The following EGR1 variants were observed in gnomAD, a reference collection of about 807,000 sequenced individuals.
The protein encoded by EGR1 is early growth response 1.
Under a neutral mutation model 30.2 loss-of-function variants are expected in EGR1, and 8 were observed. That is an observed-to-expected ratio of 0.26 (90% CI 0.16 to 0.48). EGR1 has a LOEUF of 0.48. Among genes scored for constraint, EGR1 ranks in the 20% least tolerant of loss-of-function variants. The pLI, the probability that EGR1 is intolerant of heterozygous loss-of-function variation, is 0.99. For synonymous variants in EGR1, 334 were observed against 312.8 expected, an observed-to-expected ratio of 1.07 and a Z score of -0.72; for missense variants, 568 against 732.3, an observed-to-expected ratio of 0.78 and a Z score of 2.59.
At position 138,468,376 on chromosome 5, in the gene EGR1, C is replaced by T. The variant is rs1184732959; in HGVS notation, c.*295C>T. ...TGCATGGATTTTGGATAAATCATTTCAGTATCATCTCCATCATATGCCTGA... is the reference window on the plus strand; with the variant it reads ...TGCATGGATTTTGGATAAATCATTTTAGTATCATCTCCATCATATGCCTGA... On this transcript the variant is annotated 3_prime_UTR_variant, in exon 2 of 2. Transcript: ENST00000239938. The T allele has an allele frequency of 1.7e-6, 1 of 574,108 alleles. No individual in the cohort carries two copies. 35.6% of individuals were successfully genotyped at this position (574,108 alleles called of 1,614,324 possible). A position where few individuals can be genotyped will look rare whatever the true frequency, so the allele number is the denominator to read the frequency against.
Position 138,467,433 on chromosome 5 carries a change from C to A in EGR1, c.984C>A (p.Pro328=). ...PSRMRKYPNR[P]SKTPPHERPY... The stretch of plus-strand genomic sequence containing the variant: ...GCATGCGCAAGTACCCCAACCGGCC[C>A]AGCAAGACGCCCCCCCACGAACGCC... Residue 328 remains proline, a synonymous_variant, in exon 2 of 2, where the codon CCC becomes CCA. Transcript: ENST00000239938. The surrounding 1 kb of genome is among the most constrained non-coding windows in gnomAD (Gnocchi z 8.3). The A allele has an allele frequency of 6.2e-7, 1 of 1,614,216 alleles. No homozygotes were observed. The highest frequency in any genetic ancestry group is 2.2e-5 in the East Asian group (1 of 44,870).
rs753839059 is a variant in EGR1 at position 138,466,035 on chromosome 5, A to G, written c.274A>G (p.Thr92Ala). The stretch of plus-strand genomic sequence containing the variant: ...CAGCACCTTCAACCCTCAGGCGGAC[A>G]CGGGCGAGCAGCCCTACGAGCACCT... ...SSSTFNPQADTGEQPYEHLTA... is the reference protein window; with the variant it reads ...SSSTFNPQADAGEQPYEHLTA... The change falls in exon 1 of 2, where the codon ACG becomes GCG. Residue 92 changes from threonine to alanine, a missense_variant. By Grantham distance (58) the Thr-to-Ala change is moderately conservative. Around this residue, in one of 4 missense-constraint regions of EGR1, gnomAD observed 415 missense variants for 445.2 expected, o/e 0.93. Coordinates refer to ENST00000239938, the MANE Select transcript of EGR1 (RefSeq NM_001964.3). 6.3e-7 allele frequency: 1 copy of G among 1,599,082 alleles called. No individual in the cohort carries two copies. Among genetic ancestry groups the G allele is most frequent in the South Asian group, 1.1e-5 (1 of 88,402 alleles).
Position 138,467,881 on chromosome 5 carries a change from G to A in EGR1, c.1432G>A (p.Gly478Ser). The change falls in exon 2 of 2, where the codon GGC becomes AGC. Residue 478 changes from glycine (G) to serine (S), a missense_variant. Coordinates refer to ENST00000239938, the MANE Select transcript of EGR1 (RefSeq NM_001964.3). This position sits in a 1 kb window ranked among gnomAD's most constrained non-coding sequence, Gnocchi z 8.3. ...SPVPTSFSSP[G>S]SSTYPSPVHS... Reference sequence around the variant, plus strand: ...TGTGCCCACCTCCTTCTCCTCTCCCGGCTCCTCGACCTACCCATCCCCTGT... The same window carrying A: ...TGTGCCCACCTCCTTCTCCTCTCCCAGCTCCTCGACCTACCCATCCCCTGT... 2 of 1,613,394 alleles carry A rather than the reference G, an allele frequency of 1.2e-6. No individual in the cohort carries two copies. The highest frequency in any genetic ancestry group is 2.2e-5 in the South Asian group (2 of 91,042).
In EGR1 at chr5:138,468,233, T is replaced by A; in HGVS notation, c.*152T>A. 1.4e-6 allele frequency: 2 copies of A among 1,481,248 alleles called. No individual in the cohort carries two copies. Among genetic ancestry groups the A allele is most frequent in the Non-Finnish European group, 1.8e-6 (2 of 1,098,732 alleles). 91.8% of individuals were successfully genotyped at this position (1,481,248 alleles called of 1,614,324 possible). ...CCTCCCTCTCTACTGGAGTGGAAGG[T>A]CTATTGGCCAACAATCCTTTCTGCC... On this transcript the variant is annotated 3_prime_UTR_variant, in exon 2 of 2. Coordinates refer to ENST00000239938, the MANE Select transcript of EGR1 (RefSeq NM_001964.3).
chr5:138,466,304 G>C (rs533365347), intron 1 of EGR1, among the ~76,000 whole-genome samples: 1 of 152,262 alleles, frequency 6.6e-6, no homozygotes, highest in Admixed American at 6.5e-5. Context: ...GAGCTCTGGA[G>C]CTGCGTGGGT....
At position 138,465,882 on chromosome 5, in the gene EGR1, C is replaced by T; in HGVS notation, c.121C>T (p.Leu41=). 1 of 1,613,974 alleles carries T rather than the reference C, an allele frequency of 6.2e-7. No individual in the cohort carries two copies. Among genetic ancestry groups the T allele is most frequent in the Non-Finnish European group, 8.5e-7 (1 of 1,179,870 alleles). Reference sequence around the variant, plus strand: ...CCCTAAGCTGGAGGAGATGATGCTGCTGAGCAACGGGGCTCCCCAGTTCCT... The same window carrying T: ...CCCTAAGCTGGAGGAGATGATGCTGTTGAGCAACGGGGCTCCCCAGTTCCT... ...NYPKLEEMML[L]SNGAPQFLGA... Residue 41 remains leucine, a synonymous_variant, in exon 1 of 2, where the codon CTG becomes TTG. Transcript: ENST00000239938.
rs199903799 is a variant in EGR1, at chr5:138,466,968, A to G, written c.519A>G (p.Ser173=). The part of the protein sequence containing the change: ...SMTNPPASSS[S]APSPAASSAS... ...CCAACCCACCGGCCTCCTCGTCCTC[A>G]GCACCATCTCCAGCGGCCTCCTCCG... The change falls in exon 2 of 2, where the codon TCA becomes TCG. Residue 173 remains serine, a synonymous_variant. Transcript: ENST00000239938. 3.7e-6 allele frequency: 6 copies of G among 1,613,866 alleles called. No individual in the cohort carries two copies. Among genetic ancestry groups the G allele is most frequent in the Non-Finnish European group, 5.1e-6 (6 of 1,179,958 alleles).
intron 1 of EGR1, 28 bp downstream of exon 1, chr5:138,466,096 A>C (rs1764155147): frequency 6.6e-7 from 1 of 1,525,552 alleles, no homozygotes; most frequent in South Asian, 1.3e-5. Context: ...CCGAGGGGGA[A>C]CCCTTTCGCC....
Position 138,467,710 on chromosome 5 carries a change from CAGA to C in EGR1, c.1264_1266del (p.Lys422del). ...GAGGCATACCAAGATCCACTTGCGG[CAGA>C]AGGACAAGAAAGCAGACAAAAGTGT... On this transcript the variant is annotated inframe_deletion, in exon 2 of 2. Transcript: ENST00000239938. This position sits in a 1 kb window ranked among gnomAD's most constrained non-coding sequence, Gnocchi z 8.3. 6.2e-7 allele frequency: 1 copy of C among 1,614,236 alleles called. No homozygotes were observed. The highest frequency in any genetic ancestry group is 8.5e-7 in the Non-Finnish European group (1 of 1,180,038).
In EGR1 at chr5:138,469,162, T is replaced by C. The variant is rs1237002342; in HGVS notation, c.*1081T>C. 1 of 152,348 alleles carries C rather than the reference T, an allele frequency of 6.6e-6. No individual in the cohort carries two copies. The highest frequency in any genetic ancestry group is 1.5e-5 in the Non-Finnish European group (1 of 68,048). The allele number at this position is 152,348 out of a possible 1,614,324, so 9.4% of individuals were successfully genotyped here. ...TGTATGTTATGAACATGCAGTTCAT[T>C]ATTTTGTGGTTCTATTTTACTTTGT... On this transcript the variant is annotated 3_prime_UTR_variant, in exon 2 of 2. Coordinates refer to ENST00000239938, the MANE Select transcript of EGR1 (RefSeq NM_001964.3).
rs763644281 is a variant in EGR1 at position 138,468,003 on chromosome 5, C to T, written c.1554C>T (p.Val518=). Residue 518 remains valine, a synonymous_variant, in exon 2 of 2, where the codon GTC becomes GTT. Coordinates refer to ENST00000239938, the MANE Select transcript of EGR1 (RefSeq NM_001964.3). The part of the protein sequence containing the change: ...AQVSSFPSSA[V]TNSFSASTGL... ...TCAGCAGCTTCCCTTCCTCAGCTGT[C>T]ACCAACTCCTTCAGCGCCTCCACAG... 4.3e-6 allele frequency: 7 copies of T among 1,613,650 alleles called. No homozygotes were observed.
rs1180505288 is a variant in EGR1 at position 138,466,739 on chromosome 5, TTC to T, written c.308-9_308-8del. ...GCTTTCCAGTAACCAGGCCTCCCGC[TTC>T]TCTCTCTCCTGCCAGAGTCTTTTCC... On this transcript the variant is annotated splice_polypyrimidine_tract_variant and intron_variant, in intron 1 of 1. Coordinates refer to ENST00000239938, the MANE Select transcript of EGR1 (RefSeq NM_001964.3). The T allele has an allele frequency of 6.3e-7, 1 of 1,596,236 alleles. No individual in the cohort carries two copies. The highest frequency in any genetic ancestry group is 8.6e-7 in the Non-Finnish European group (1 of 1,167,260).
chr5:138,467,921 C>G lies in EGR1; in HGVS notation c.1472C>G (p.Pro491Arg). 6.2e-7 allele frequency: 1 copy of G among 1,613,424 alleles called. No homozygotes were observed. Among genetic ancestry groups the G allele is most frequent in the Non-Finnish European group, 8.5e-7 (1 of 1,179,512 alleles). ...TYPSPVHSGF[P>R]SPSVATTYSS... ...CCATCCCCTGTGCACAGTGGCTTCC[C>G]CTCCCCGTCGGTGGCCACCACGTAC... is the stretch of plus-strand genomic sequence containing the variant. Residue 491 changes from proline to arginine, a missense_variant, in exon 2 of 2, where the codon CCC becomes CGC. Physicochemically the swap from Pro to Arg is moderately radical, Grantham distance 103. Transcript: ENST00000239938. The surrounding 1 kb of genome is among the most constrained non-coding windows in gnomAD (Gnocchi z 8.3).
In EGR1 at chr5:138,467,166, C is replaced by T; in HGVS notation, c.717C>T (p.Ala239=). Residue 239 remains alanine, a synonymous_variant, in exon 2 of 2, where the codon GCC becomes GCT. Coordinates refer to ENST00000239938, the MANE Select transcript of EGR1 (RefSeq NM_001964.3). This position sits in a 1 kb window ranked among gnomAD's most constrained non-coding sequence, Gnocchi z 8.3. The part of the protein sequence containing the change: ...AGTALQYPPP[A]YPAAKGGFQV... Reference sequence around the variant, plus strand: ...CAGCGCTCCAGTACCCGCCTCCTGCCTACCCTGCCGCCAAGGGTGGCTTCC... The same window carrying T: ...CAGCGCTCCAGTACCCGCCTCCTGCTTACCCTGCCGCCAAGGGTGGCTTCC... The T allele has an allele frequency of 6.2e-7, 1 of 1,613,098 alleles. No individual in the cohort carries two copies. Among genetic ancestry groups the T allele is most frequent in the Non-Finnish European group, 8.5e-7 (1 of 1,179,950 alleles).
rs1764141723 is a variant in EGR1, at chr5:138,465,642, C to CA, written c.-119dup. On this transcript the variant is annotated 5_prime_UTR_variant, in exon 1 of 2. Transcript: ENST00000239938. ...TCGGGGTCGCCGCCTGCACGCTTCT[C>CA]AGTGTTCCCCGCGCCCCGCATGTAA... 14 of 1,203,014 alleles carry CA rather than the reference C, an allele frequency of 1.2e-5. No individual in the cohort carries two copies. Among genetic ancestry groups the CA allele is most frequent in the Non-Finnish European group, 1.4e-5 (13 of 911,042 alleles). 74.5% of individuals were successfully genotyped at this position (1,203,014 alleles called of 1,614,324 possible).
rs201552434 is a variant in EGR1, at chr5:138,467,788, G to A, written c.1339G>A (p.Ala447Thr). The A allele has an allele frequency of 2.5e-6, 4 of 1,613,576 alleles. No homozygotes were observed. The highest frequency in any genetic ancestry group is 3.4e-6 in the Non-Finnish European group (4 of 1,179,704). The change falls in exon 2 of 2, where the codon GCT (alanine) becomes ACT (threonine). Residue 447 changes from alanine to threonine, a missense_variant. Ala to Thr is a moderately conservative substitution (Grantham distance 58). Transcript: ENST00000239938. This position sits in a 1 kb window ranked among gnomAD's most constrained non-coding sequence, Gnocchi z 8.3. ...TCTCTCTTCCTACCCGTCCCCGGTT[G>A]CTACCTCTTACCCGTCCCCGGTTAC... is the stretch of plus-strand genomic sequence containing the variant. ...SSLSSYPSPVATSYPSPVTTS... is the reference protein window; with the variant it reads ...SSLSSYPSPVTTSYPSPVTTS...
Position 138,467,133 on chromosome 5 carries a change from G to A in EGR1, c.684G>A (p.Ser228=), listed in dbSNP as rs759105716. ...PEPQSQAFPG[S]AGTALQYPPP... ...CACAAAGCCAGGCCTTCCCGGGCTC[G>A]GCAGGGACAGCGCTCCAGTACCCGC... Residue 228 remains serine (S), a synonymous_variant, in exon 2 of 2, where the codon TCG becomes TCA. Coordinates refer to ENST00000239938, the MANE Select transcript of EGR1 (RefSeq NM_001964.3). The surrounding 1 kb of genome is among the most constrained non-coding windows in gnomAD (Gnocchi z 8.3). The A allele has an allele frequency of 2.5e-6, 4 of 1,613,364 alleles. No individual in the cohort carries two copies. The highest frequency in any genetic ancestry group is 2.2e-5 in the South Asian group (2 of 91,060).
In EGR1 at chr5:138,465,740, C is replaced by G. The variant is rs1417448657; in HGVS notation, c.-22C>G. 2 of 1,560,550 alleles carry G rather than the reference C, an allele frequency of 1.3e-6. No individual in the cohort carries two copies. Among genetic ancestry groups the G allele is most frequent in the South Asian group, 1.2e-5 (1 of 83,456 alleles). Reference sequence around the variant, plus strand: ...CTGCACCCCCCCGCCCCGACACCAGCTCTCCAGCCTGCTCGTCCAGGATGG... The same window carrying G: ...CTGCACCCCCCCGCCCCGACACCAGGTCTCCAGCCTGCTCGTCCAGGATGG... On this transcript the variant is annotated 5_prime_UTR_variant, in exon 1 of 2. Transcript: ENST00000239938.
Position 138,465,625 on chromosome 5 carries a change from G to T in EGR1, c.-137G>T. 1 of 990,228 alleles carries T rather than the reference G, an allele frequency of 1.0e-6. No individual in the cohort carries two copies. Among genetic ancestry groups the T allele is most frequent in the South Asian group, 3.1e-5 (1 of 32,222 alleles). The allele number at this position is 990,228 out of a possible 1,614,324, so 61.3% of individuals were successfully genotyped here. ...CCCGCGCCCAGGGCGAGTCGGGGTC[G>T]CCGCCTGCACGCTTCTCAGTGTTCC... On this transcript the variant is annotated 5_prime_UTR_variant, in exon 1 of 2. Transcript: ENST00000239938.
Sources: allele counts gnomAD v4.1 joint callset (sites outside exome capture counted in the v4.1 genomes callset), GRCh38; gene constraint gnomAD v4.1.1; regional missense constraint gnomAD v4.1.1; non-coding constraint Gnocchi (gnomAD v3.1); transcripts MANE v1.5; gene names NCBI Gene and HGNC (gene_info 2026-07-23, HGNC 2026-07-21).